The following IFIH1 variants were observed in gnomAD, a reference collection of about 807,000 sequenced individuals.
IFIH1 encodes interferon-induced helicase C domain-containing protein 1.
IFIH1 carries 125 observed loss-of-function variants against 107.4 expected under a neutral mutation model. That is an observed-to-expected ratio of 1.16 (90% CI 1.01 to 1.35). The LOEUF (loss-of-function observed/expected upper bound fraction) is 1.35, where lower values mean the gene tolerates loss of function less well. Ranked by LOEUF, IFIH1 falls within the 40% of genes most tolerant of loss-of-function variation. The probability of loss-of-function intolerance (pLI) is 0.00; values close to 1 mark genes in which losing one functional copy is unlikely to be tolerated. For missense variants in IFIH1, 1,333 were observed against 1,213.7 expected, an observed-to-expected ratio of 1.10 and a Z score of -1.46; for synonymous variants, 458 against 413.2, an observed-to-expected ratio of 1.11 and a Z score of -1.31.
At chr2:162,304,705 A>G (rs1244818464) in intron 3 of IFIH1, among the ~76,000 whole-genome samples, 1 of 152,256 alleles carries the variant, frequency 6.6e-6, no homozygotes, top group African/African-American at 2.4e-5. Flanking sequence ...ATTCTTTTTC[A>G]GCAGAAATAT....
intron 3 of IFIH1, among the ~76,000 whole-genome samples, chr2:162,299,820 A>G (rs533778640): frequency 6.6e-6 from 1 of 152,180 alleles, no homozygotes; most frequent in East Asian, 1.9e-4. Flanking sequence ...CTTAAATCCT[A>G]CCGCCCTCCT....
At chr2:162,297,949 T>C (rs1319211388) in intron 3 of IFIH1, among the ~76,000 whole-genome samples, 1 of 152,148 alleles carries the variant, frequency 6.6e-6, no homozygotes, top group South Asian at 2.1e-4. Flanking sequence ...AAATATTAAC[T>C]GAAATCCAAG....
chr2:162,303,682 T>A (rs1683231022), intron 3 of IFIH1, among the ~76,000 whole-genome samples: 1 of 152,070 alleles, frequency 6.6e-6, no homozygotes, highest in African/African-American at 2.4e-5. Flanking sequence ...ATAAAAAGCT[T>A]TTCTGTCCCC....
chr2:162,292,226 T>C (rs1683007727), intron 4 of IFIH1, among the ~76,000 whole-genome samples: 1 of 151,904 alleles, frequency 6.6e-6, no homozygotes. Context: ...ATTATCTATT[T>C]TGAGTTCTAG....
At chr2:162,288,030 A>T in intron 5 of IFIH1, 105 bp downstream of exon 5, 1 of 700,202 alleles carries the variant, frequency 1.4e-6, no homozygotes, top group Non-Finnish European at 2.4e-6. Flanking sequence ...CATTACTCTT[A>T]ATTAAACTAA....
chr2:162,297,367 AGTTAATT>A (rs1683109821), intron 3 of IFIH1, among the ~76,000 whole-genome samples: 3 of 152,144 alleles, frequency 2.0e-5, no homozygotes, highest in Non-Finnish European at 4.4e-5. Context: ...GATCGCATGG[AGTTAATT>A]GGAGGCAGGC....
chr2:162,316,293 C>T (rs1683488076), intron 1 of IFIH1, among the ~76,000 whole-genome samples: 1 of 152,160 alleles, frequency 6.6e-6, no homozygotes, highest in Non-Finnish European at 1.5e-5. Flanking sequence ...CTGGAAATGC[C>T]ATCTTCCATC....
At chr2:162,275,026 T>C (rs889364642) in intron 11 of IFIH1, among the ~76,000 whole-genome samples, 4 of 152,146 alleles carry the variant, frequency 2.6e-5, no homozygotes, top group African/African-American at 9.7e-5. Flanking sequence ...AACTTACATG[T>C]TCTTGGATTT....
chr2:162,269,819 A>G (rs1243899857), intron 13 of IFIH1, among the ~76,000 whole-genome samples: 1 of 152,220 alleles, frequency 6.6e-6, no homozygotes, highest in African/African-American at 2.4e-5. Flanking sequence ...AAAAGAGAAT[A>G]AAACCTTGCA....
intron 6 of IFIH1, among the ~76,000 whole-genome samples, 162 bp downstream of exon 6, chr2:162,282,204 C>T (rs910789358): frequency 1.3e-5 from 2 of 151,942 alleles, no homozygotes; most frequent in South Asian, 4.1e-4. Context: ...TAATTAAAAA[C>T]TTACTTTTTT....
chr2:162,291,124 A>G (rs1305414845), intron 4 of IFIH1, among the ~76,000 whole-genome samples: 1 of 151,836 alleles, frequency 6.6e-6, no homozygotes, highest in Non-Finnish European at 1.5e-5. Flanking sequence ...TCCCTCTACA[A>G]CAAGTATTGA....
At chr2:162,283,847 T>A (rs1486173674) in intron 5 of IFIH1, among the ~76,000 whole-genome samples, 1 of 151,372 alleles carries the variant, frequency 6.6e-6, no homozygotes, top group Non-Finnish European at 1.5e-5. Flanking sequence ...TGGGGAAGAG[T>A]TAAAATGAAA....
intron 4 of IFIH1, 69 bp downstream of exon 4, chr2:162,293,495 C>T (rs1683034113): frequency 1.1e-6 from 1 of 894,258 alleles, no homozygotes; most frequent in Non-Finnish European, 1.8e-6. Flanking sequence ...GTATGAACAG[C>T]CCCCATGCTT....
intron 4 of IFIH1, among the ~76,000 whole-genome samples, chr2:162,290,059 G>A (rs1205168195): frequency 6.6e-6 from 1 of 151,804 alleles, no homozygotes; most frequent in Non-Finnish European, 1.5e-5. Flanking sequence ...ATTTGCAAAG[G>A]AAGATGCATT....
At chr2:162,284,654 A>G (rs1157089502) in intron 5 of IFIH1, among the ~76,000 whole-genome samples, 1 of 152,016 alleles carries the variant, frequency 6.6e-6, no homozygotes, top group Non-Finnish European at 1.5e-5. Flanking sequence ...CTGATGGGAA[A>G]AAATGAGAAT....
At chr2:162,268,949 C>T (rs1210752246) in intron 13 of IFIH1, among the ~76,000 whole-genome samples, 2 of 149,544 alleles carry the variant, frequency 1.3e-5, no homozygotes, top group South Asian at 2.1e-4. Context: ...CATGGAATCT[C>T]TTTACTAAAC....
chr2:162,290,625 T>A (rs1183013144), intron 4 of IFIH1, among the ~76,000 whole-genome samples: 1 of 151,946 alleles, frequency 6.6e-6, no homozygotes, highest in Non-Finnish European at 1.5e-5. Context: ...CCTGAAGGAC[T>A]TTAGAGTCTA....
chr2:162,297,741 T>A (rs986421188), intron 3 of IFIH1, among the ~76,000 whole-genome samples: 1 of 152,104 alleles, frequency 6.6e-6, no homozygotes, highest in South Asian at 2.1e-4. Context: ...CAGTTATTTA[T>A]ATCAAAAGCT....
intron 1 of IFIH1, among the ~76,000 whole-genome samples, chr2:162,314,416 T>TTTCTTTCCTTCC (rs71009355): frequency 9.7e-5 from 5 of 51,444 alleles, no homozygotes; most frequent in African/African-American, 2.4e-4. Flanking sequence ...TCTTTCTTTC[T>TTTCTTTCCTTCC]TTTCTTTCTT....
Sources: gnomAD v4.1 joint callset for allele counts (sites outside exome capture counted in the v4.1 genomes callset) on GRCh38, gnomAD v4.1.1 for gene constraint, MANE v1.5 for transcripts, NCBI Gene and HGNC (gene_info 2026-07-23, HGNC 2026-07-21) for gene names.